Variants in ANO1 observed in about 807,000 individuals in gnomAD.
ANO1 encodes the protein anoctamin 1, also known as anoctamin-1.
In ANO1, 59 loss-of-function variants were observed where a neutral mutation model predicts 124.0. The ratio of observed to expected loss-of-function variants is 0.48; its 90% CI spans 0.39 to 0.59. The LOEUF (loss-of-function observed/expected upper bound fraction) is 0.59, where lower values mean the gene tolerates loss of function less well. Ranked by LOEUF, ANO1 falls within the 20% of genes least tolerant of loss-of-function variation. The pLI, the probability that ANO1 is intolerant of heterozygous loss-of-function variation, is 0.00. For missense variants in ANO1, 1,059 were observed against 1,328.0 expected, an observed-to-expected ratio of 0.80 and a Z score of 3.15; for synonymous variants, 529 against 532.0, an observed-to-expected ratio of 0.99 and a Z score of 0.08.
chr11:70,179,455 T>C (rs2048855020), intron 22 of ANO1, among the ~76,000 whole-genome samples: 2 of 152,168 alleles, frequency 1.3e-5, no homozygotes, highest in South Asian at 4.1e-4. Flanking sequence ...GTGATCCTCT[T>C]GTTCATCTGT....
intron 1 of ANO1, among the ~76,000 whole-genome samples, chr11:70,054,381 T>C (rs1418747728): frequency 6.6e-6 from 1 of 152,218 alleles, no homozygotes; most frequent in Admixed American, 6.5e-5. Flanking sequence ...TGTGGGGCTG[T>C]GGTCAGACCT....
At chr11:70,152,829 C>T (rs780773499) in intron 13 of ANO1, among the ~76,000 whole-genome samples, 8 of 152,360 alleles carry the variant, frequency 5.3e-5, no homozygotes, top group South Asian at 4.1e-4. Context: ...AGGCCAGATT[C>T]GGTGGCCCTC....
At chr11:69,969,187 G>C in the ANO1 span, among the ~76,000 whole-genome samples, 1 of 152,172 alleles carries the variant, frequency 6.6e-6, no homozygotes, top group Admixed American at 6.5e-5. Flanking sequence ...TAGGGGCCGG[G>C]GTGCACAGCT....
At chr11:70,156,100 C>G in intron 15 of ANO1, 112 bp downstream of exon 15, 1 of 1,108,884 alleles carries the variant, frequency 9.0e-7, no homozygotes, top group Admixed American at 3.9e-5. Flanking sequence ...ACATTCACAT[C>G]CGTGTTTCTC....
intron 1 of ANO1, among the ~76,000 whole-genome samples, chr11:70,023,053 C>T (rs531231346): frequency 6.6e-6 from 1 of 152,326 alleles, no homozygotes; most frequent in East Asian, 1.9e-4. Context: ...AACAAGCTCT[C>T]CCTGGAACCT....
intron 2 of ANO1, among the ~76,000 whole-genome samples, chr11:70,095,465 G>A (rs1466299113): frequency 6.6e-6 from 1 of 151,924 alleles, no homozygotes; most frequent in African/African-American, 2.4e-5. Flanking sequence ...AATTCATTCT[G>A]GACCTTTTTA....
chr11:70,110,650 G>A lies in ANO1; in HGVS notation c.800-1057G>A, dbSNP rs78589139. ...GGGGATTTCGGGAGGTCATTTTCCC[G>A]CCGCTATCAGGTGGAGTCTCAGAGG... On this transcript the variant is annotated intron_variant, in intron 6 of 25. Coordinates refer to ENST00000355303, the MANE Select transcript of ANO1 (RefSeq NM_018043.7). 9.5e-3 allele frequency among the ~76,000 whole-genome samples: 1,444 copies of A among 152,090 alleles called. 27 individuals are homozygous for A. Among genetic ancestry groups the A allele is most frequent in the African/African-American group, 0.033 (1,366 of 41,498 alleles).
intron 20 of ANO1, among the ~76,000 whole-genome samples, chr11:70,166,222 G>T (rs1274569792): frequency 6.6e-6 from 1 of 152,190 alleles, no homozygotes; most frequent in African/African-American, 2.4e-5. Flanking sequence ...GGAGGCTGAG[G>T]CAGGAGAACC....
chr11:70,071,484 G>T (rs544217860), intron 1 of ANO1, among the ~76,000 whole-genome samples: 12 of 152,130 alleles, frequency 7.9e-5, no homozygotes, highest in African/African-American at 2.9e-4. Context: ...CAGCCTGGTC[G>T]CTCCTTCCCA....
chr11:69,999,724 T>C (rs972842401), intron 1 of ANO1, among the ~76,000 whole-genome samples: 3 of 152,150 alleles, frequency 2.0e-5, no homozygotes, highest in African/African-American at 7.2e-5. Context: ...TCAATAAACA[T>C]TTGCTGAATG....
chr11:70,023,572 C>T (rs185529175), intron 1 of ANO1, among the ~76,000 whole-genome samples: 4 of 152,292 alleles, frequency 2.6e-5, no homozygotes, highest in Admixed American at 1.3e-4. Context: ...ATGGTCTAGT[C>T]GCTGCCAACA....
chr11:70,039,294 G>C (rs1857144134), intron 1 of ANO1, among the ~76,000 whole-genome samples: 1 of 152,146 alleles, frequency 6.6e-6, no homozygotes, highest in Non-Finnish European at 1.5e-5. Flanking sequence ...ATTAAGTACT[G>C]TTGCTTTCTT....
chr11:70,156,912 T>A (rs778659976), intron 15 of ANO1, 35 bp from the exon 16 acceptor site: 1 of 1,602,494 alleles, frequency 6.2e-7, no homozygotes, highest in South Asian at 1.1e-5. Context: ...ATCGTGATGG[T>A]TCCAGACAGT....
chr11:70,019,181 G>A (rs1856752975), intron 1 of ANO1, among the ~76,000 whole-genome samples: 1 of 151,674 alleles, frequency 6.6e-6, no homozygotes, highest in South Asian at 2.1e-4. Flanking sequence ...GTTTAGCAGT[G>A]ATCAAAATAG....
chr11:70,173,999 A>G (rs183545467), intron 22 of ANO1, among the ~76,000 whole-genome samples: 18,458 of 150,328 alleles, frequency 0.12, 1,213 homozygotes, highest in Middle Eastern at 0.16. Flanking sequence ...GCAGTGGCAC[A>G]ATCTCGGCTC....
chr11:70,167,443 C>A, intron 21 of ANO1, 56 bp downstream of exon 21: 1 of 1,558,936 alleles, frequency 6.4e-7, no homozygotes, highest in Admixed American at 1.9e-5. Context: ...GCCAGCATGC[C>A]ACCTGGAGTG....
At chr11:69,968,724 G>A in the ANO1 span, among the ~76,000 whole-genome samples, 1 of 152,314 alleles carries the variant, frequency 6.6e-6, no homozygotes, top group Middle Eastern at 3.4e-3. Flanking sequence ...TAGAGGGCAT[G>A]AGCACTTGGA....
At chr11:70,085,846 A>G (rs1341223570) in intron 1 of ANO1, among the ~76,000 whole-genome samples, 2 of 152,250 alleles carry the variant, frequency 1.3e-5, no homozygotes, top group African/African-American at 2.4e-5. Context: ...GGTTGTATAC[A>G]GCCCACCTGC....
At position 70,026,377 on chromosome 11, in the gene ANO1, AATG is replaced by A. The variant is rs782240439; in HGVS notation, c.58+40220_58+40222del. Among the ~76,000 whole-genome samples the A allele has an allele frequency of 8.4e-5, 12 of 143,240 alleles. No homozygotes were observed. The South Asian group carries it at 9.2e-4, about 11-fold the overall frequency. 94.0% of individuals were successfully genotyped at this position (143,240 alleles called of 152,430 possible). A position where few individuals can be genotyped will look rare whatever the true frequency, so the allele number is the denominator to read the frequency against. Reference sequence around the variant, plus strand: ...CGGTGATGGTGGTGGTGGTGATGACAATGATGATGATAAAAATGACAACAATAA... The same window carrying A: ...CGGTGATGGTGGTGGTGGTGATGACAATGATGATAAAAATGACAACAATAA... On this transcript the variant is annotated intron_variant, in intron 1 of 27. Transcript: ENST00000531349.
Sources: allele counts gnomAD v4.1 joint callset (sites outside exome capture counted in the v4.1 genomes callset), GRCh38; gene constraint gnomAD v4.1.1; transcripts MANE v1.5; gene names NCBI Gene and HGNC (gene_info 2026-07-23, HGNC 2026-07-21).